The following R3HCC1L variants were observed in gnomAD, a reference collection of about 807,000 sequenced individuals.
R3HCC1L encodes the protein coiled-coil domain-containing protein R3HCC1L.
Under a neutral mutation model 59.9 loss-of-function variants are expected in R3HCC1L, and 51 were observed. The ratio of observed to expected loss-of-function variants is 0.85; its 90% CI spans 0.68 to 1.07. The LOEUF (loss-of-function observed/expected upper bound fraction) is 1.07, where lower values mean the gene tolerates loss of function less well. R3HCC1L is among the 50% of genes least tolerant of loss of function. The pLI, the probability that R3HCC1L is intolerant of heterozygous loss-of-function variation, is 0.00. For synonymous variants in R3HCC1L, 322 were observed against 315.2 expected (o/e 1.02, Z -0.23); for missense variants, 965 against 933.0 (o/e 1.03, Z -0.45).
chr10:98,173,739 T>C (rs767085140), intron 4 of R3HCC1L, among the ~76,000 whole-genome samples: 18 of 152,022 alleles, frequency 1.2e-4, no homozygotes, highest in African/African-American at 4.1e-4. Flanking sequence ...CAGGTTAGCA[T>C]TGGGACCTGA....
At position 98,152,686 on chromosome 10, in the gene R3HCC1L, C is replaced by T. The variant is rs577275396; in HGVS notation, c.-267-3407C>T. On this transcript the variant is annotated intron_variant, in intron 1 of 9. Transcript: ENST00000298999. The stretch of plus-strand genomic sequence containing the variant: ...GAGCGCCTCTGCCCGGCCGCGACCC[C>T]GTCTGGGAGGTGAGGAGCGTCTCTG... Among the ~76,000 whole-genome samples the T allele has an allele frequency of 4.5e-5, 6 of 133,664 alleles. 2 individuals are homozygous for T. The South Asian group carries it at 8.8e-4, about 20-fold the overall frequency. 87.7% of individuals were successfully genotyped at this position (133,664 alleles called of 152,430 possible).
intron 1 of R3HCC1L, among the ~76,000 whole-genome samples, chr10:98,144,117 G>C (rs1845432620): frequency 6.6e-6 from 1 of 152,032 alleles, no homozygotes; most frequent in South Asian, 2.1e-4. Context: ...GAGCAGCCAG[G>C]GTGATTTAGT....
chr10:98,215,380 A>C (rs1019221175), intron 5 of R3HCC1L, among the ~76,000 whole-genome samples: 21 of 151,552 alleles, frequency 1.4e-4, no homozygotes, highest in African/African-American at 5.1e-4. Context: ...TACATATTGA[A>C]ACAACTCTCC....
rs989040452 is a variant in R3HCC1L, at chr10:98,244,892, C to T, written c.*734C>T. On this transcript the variant is annotated 3_prime_UTR_variant, in exon 10 of 10. Transcript: ENST00000298999. ...GGGAACATTAAAGCCCATTTTATGACATATATCACTGTGGTGTTTGTTGGT... is the reference window on the plus strand; with the variant it reads ...GGGAACATTAAAGCCCATTTTATGATATATATCACTGTGGTGTTTGTTGGT... 2 of 152,202 alleles carry T rather than the reference C, an allele frequency of 1.3e-5. No individual in the cohort carries two copies. The highest frequency in any genetic ancestry group is 2.9e-5 in the Non-Finnish European group (2 of 68,036). The allele number at this position is 152,202 out of a possible 1,614,324, so 9.4% of individuals were successfully genotyped here. A position where few individuals can be genotyped will look rare whatever the true frequency, so the allele number is the denominator to read the frequency against.
At chr10:98,183,154 C>A (rs937332419) in intron 4 of R3HCC1L, among the ~76,000 whole-genome samples, 2 of 152,150 alleles carry the variant, frequency 1.3e-5, no homozygotes, top group Non-Finnish European at 2.9e-5. Flanking sequence ...TGGAGCTGTT[C>A]CTATTCGGCC....
intron 5 of R3HCC1L, among the ~76,000 whole-genome samples, chr10:98,221,854 C>A (rs907006264): frequency 6.6e-6 from 1 of 152,092 alleles, no homozygotes; most frequent in East Asian, 1.9e-4. Context: ...ATTGACTTGG[C>A]GATTCGGGCT....
chr10:98,203,701 A>T (rs1361491301), intron 4 of R3HCC1L, among the ~76,000 whole-genome samples: 1 of 152,228 alleles, frequency 6.6e-6, no homozygotes. Context: ...TTGTGAAAAT[A>T]TGAAAGCCCA....
intron 5 of R3HCC1L, chr10:98,211,435 G>A: frequency 2.2e-6 from 3 of 1,394,272 alleles, no homozygotes; most frequent in Non-Finnish European, 2.8e-6. Flanking sequence ...GTTCAGTAGA[G>A]GTTTGAGATC....
At chr10:98,243,489 A>G (rs990027731) in intron 9 of R3HCC1L, among the ~76,000 whole-genome samples, 6 of 152,222 alleles carry the variant, frequency 3.9e-5, no homozygotes, top group African/African-American at 1.4e-4. Flanking sequence ...CCAGATTTGT[A>G]TATTTTTTGT....
At chr10:98,206,804 T>A (rs1411151414) in intron 4 of R3HCC1L, among the ~76,000 whole-genome samples, 1 of 152,208 alleles carries the variant, frequency 6.6e-6, no homozygotes, top group African/African-American at 2.4e-5. Context: ...AAATTAGGCA[T>A]TTTTTGAAAA....
intron 1 of R3HCC1L, among the ~76,000 whole-genome samples, chr10:98,147,939 A>T (rs544008252): frequency 1.3e-5 from 2 of 152,026 alleles, no homozygotes; most frequent in Non-Finnish European, 2.9e-5. Flanking sequence ...TTCTGTTTCT[A>T]TGAAGAATGT....
rs17109126 is a variant in R3HCC1L at position 98,237,471 on chromosome 10, C to T, written c.2269+1307C>T. 2.6e-4 allele frequency among the ~76,000 whole-genome samples: 40 copies of T among 152,222 alleles called. 1 individual carries two copies. The East Asian group carries it at 6.7e-3, about 26-fold the overall frequency. Reference sequence around the variant, plus strand: ...TACAGATCCTGCAGCAGTGGTTTTGCGTGGATATCATCTTGAGTATTCCCT... The same window carrying T: ...TACAGATCCTGCAGCAGTGGTTTTGTGTGGATATCATCTTGAGTATTCCCT... On this transcript the variant is annotated intron_variant, in intron 9 of 9. Coordinates refer to ENST00000298999, the MANE Select transcript of R3HCC1L (RefSeq NM_001351015.2).
At chr10:98,141,202 C>G (rs1236189866) in intron 1 of R3HCC1L, among the ~76,000 whole-genome samples, 2 of 152,150 alleles carry the variant, frequency 1.3e-5, no homozygotes, top group Non-Finnish European at 2.9e-5. Flanking sequence ...TTATTCTCTT[C>G]CTAGATTGTA....
chr10:98,205,412 G>A (rs557352815), intron 4 of R3HCC1L, among the ~76,000 whole-genome samples: 2 of 152,278 alleles, frequency 1.3e-5, no homozygotes, highest in East Asian at 1.9e-4. Flanking sequence ...TAGACTTAAA[G>A]TGATGGAGAA....
chr10:98,136,990 C>G (rs1410732995), intron 1 of R3HCC1L, among the ~76,000 whole-genome samples: 1 of 152,178 alleles, frequency 6.6e-6, no homozygotes, highest in Non-Finnish European at 1.5e-5. Context: ...GTGGGCAGAT[C>G]ACGAGGTCAG....
At chr10:98,225,853 T>A (rs1361674243) in intron 5 of R3HCC1L, among the ~76,000 whole-genome samples, 1 of 152,124 alleles carries the variant, frequency 6.6e-6, no homozygotes, top group Non-Finnish European at 1.5e-5. Flanking sequence ...GTAACTTTTT[T>A]TTTTGGTACA....
At chr10:98,200,764 A>C (rs1298051723) in intron 4 of R3HCC1L, among the ~76,000 whole-genome samples, 1 of 152,190 alleles carries the variant, frequency 6.6e-6, no homozygotes, top group African/African-American at 2.4e-5. Context: ...AAATTTGAAA[A>C]GCTAGGTCAA....
chr10:98,211,357 C>G, intron 5 of R3HCC1L: 1 of 1,531,312 alleles, frequency 6.5e-7, no homozygotes, highest in South Asian at 1.2e-5. Flanking sequence ...AGGTAATACA[C>G]TTAAATCTAT....
chr10:98,227,890 G>A (rs1855864704), intron 5 of R3HCC1L, among the ~76,000 whole-genome samples: 1 of 152,110 alleles, frequency 6.6e-6, no homozygotes, highest in South Asian at 2.1e-4. Flanking sequence ...CTTCAACCAT[G>A]TCCCTACAAA....
Sources: gnomAD v4.1 joint callset for allele counts (sites outside exome capture counted in the v4.1 genomes callset) on GRCh38, gnomAD v4.1.1 for gene constraint, MANE v1.5 for transcripts, NCBI Gene and HGNC (gene_info 2026-07-23, HGNC 2026-07-21) for gene names.